Variants in SEC14L5 observed in about 807,000 individuals in gnomAD.
SEC14L5 encodes the protein SEC14 like lipid binding 5.
In SEC14L5, 96 loss-of-function variants were observed where a neutral mutation model predicts 84.6. The observed-to-expected ratio is 1.13, with a 90% CI of 0.96 to 1.34. The LOEUF (loss-of-function observed/expected upper bound fraction) is 1.34. Among genes scored for constraint, SEC14L5 ranks in the 40% most tolerant of loss-of-function variants. The pLI, the probability that SEC14L5 is intolerant of heterozygous loss-of-function variation, is 0.00. For synonymous variants in SEC14L5, 546 were observed against 383.4 expected (o/e 1.42, Z -4.95); for missense variants, 1,224 against 942.5 (o/e 1.30, Z -3.91).
intron 2 of SEC14L5, among the ~76,000 whole-genome samples, chr16:4,982,647 C>A (rs908257591): frequency 6.6e-6 from 1 of 152,212 alleles, no homozygotes; most frequent in Non-Finnish European, 1.5e-5. Flanking sequence ...CCAGCTTAAC[C>A]TCCTGTGCTC....
intron 8 of SEC14L5, 78 bp from the exon 9 acceptor site, chr16:5,000,577 C>A: frequency 1.8e-6 from 2 of 1,113,074 alleles, no homozygotes; most frequent in Admixed American, 2.1e-5. Flanking sequence ...GAAGCTCTCA[C>A]CTGCAGCTGT....
In SEC14L5 at chr16:5,018,410, T is replaced by G. The variant is rs2270259; in HGVS notation, c.*3440T>G. ...GGCGGGGCGTGGTGGCTCATGCCTA[T>G]AATCCCAACACTTTGGGAGGCTGAG... On this transcript the variant is annotated 3_prime_UTR_variant, in exon 16 of 16. Transcript: ENST00000251170. 4.6e-5 allele frequency: 7 copies of G among 152,198 alleles called. No individual in the cohort carries two copies. The highest frequency in any genetic ancestry group is 2.6e-4 in the Admixed American group (4 of 15,278). 9.4% of individuals were successfully genotyped at this position (152,198 alleles called of 1,614,324 possible).
chr16:4,968,299 C>T (rs1286749823), intron 2 of SEC14L5, among the ~76,000 whole-genome samples: 1 of 151,990 alleles, frequency 6.6e-6, no homozygotes, highest in Non-Finnish European at 1.5e-5. Context: ...TCTACCTCAG[C>T]CTCCCGAGTA....
chr16:4,965,475 C>T (rs1955187407), intron 2 of SEC14L5, among the ~76,000 whole-genome samples: 1 of 150,064 alleles, frequency 6.7e-6, no homozygotes, highest in East Asian at 2.0e-4. Flanking sequence ...TCCTGGCTAA[C>T]ACGGTGAAAC....
At chr16:4,989,041 C>T (rs1955525067) in intron 4 of SEC14L5, among the ~76,000 whole-genome samples, 1 of 152,232 alleles carries the variant, frequency 6.6e-6, no homozygotes, top group African/African-American at 2.4e-5. Flanking sequence ...GGACTGGGAA[C>T]AGCATTTTGG....
chr16:5,007,426 G>C lies in SEC14L5; in HGVS notation c.1512G>C (p.Gln504His), dbSNP rs201556115. ...AAGAGGAGCAGGAGCACACGGACCA[G>C]CTGTGGCAGTGGAGTGAGACCTACC... ...MTEEEQEHTDQLWQWSETYHS... is the reference protein window; with the variant it reads ...MTEEEQEHTDHLWQWSETYHS... The change falls in exon 13 of 16, where the codon CAG becomes CAC. Residue 504 changes from glutamine (Q) to histidine (H), a missense_variant. Coordinates refer to ENST00000251170, the MANE Select transcript of SEC14L5 (RefSeq NM_014692.2). 1.2e-6 allele frequency: 2 copies of C among 1,613,908 alleles called. No homozygotes were observed. The highest frequency in any genetic ancestry group is 2.7e-5 in the African/African-American group (2 of 75,064).
At chr16:5,000,136 CG>C (rs1955658771) in intron 8 of SEC14L5, among the ~76,000 whole-genome samples, 1 of 151,604 alleles carries the variant, frequency 6.6e-6, no homozygotes, top group South Asian at 2.1e-4. Context: ...ACTAAAAATA[CG>C]AAAATTAGCC....
chr16:5,018,000 C>T lies in SEC14L5; in HGVS notation c.*3030C>T, dbSNP rs910955546. 8 of 152,246 alleles carry T rather than the reference C, an allele frequency of 5.3e-5. No individual in the cohort carries two copies. Among genetic ancestry groups the T allele is most frequent in the African/African-American group, 1.9e-4 (8 of 41,460 alleles). The allele number at this position is 152,246 out of a possible 1,614,324, so 9.4% of individuals were successfully genotyped here. On this transcript the variant is annotated 3_prime_UTR_variant, in exon 16 of 16. Transcript: ENST00000251170. ...CAGCATTACTGTTGGTGTTTGGGCACCTGGGCCTTGAATTTAGGCCAGGAC... is the reference window on the plus strand; with the variant it reads ...CAGCATTACTGTTGGTGTTTGGGCATCTGGGCCTTGAATTTAGGCCAGGAC...
intron 2 of SEC14L5, among the ~76,000 whole-genome samples, chr16:4,962,963 G>A (rs6500647): frequency 1.3e-5 from 2 of 152,034 alleles, no homozygotes; most frequent in African/African-American, 2.4e-5. Context: ...TCTTTGTTTC[G>A]CAGTTAAACA....
chr16:4,968,371 G>T (rs1955233344), intron 2 of SEC14L5, among the ~76,000 whole-genome samples: 1 of 152,064 alleles, frequency 6.6e-6, no homozygotes, highest in Admixed American at 6.6e-5. Flanking sequence ...CACAGACGGG[G>T]TTTCTCCATA....
Position 5,011,275 on chromosome 16 carries a change from TAGG to T in SEC14L5, c.1979+6_1979+8del, listed in dbSNP as rs1955799746. 6.2e-7 allele frequency: 1 copy of T among 1,610,430 alleles called. No homozygotes were observed. Among genetic ancestry groups the T allele is most frequent in the East Asian group, 2.2e-5 (1 of 44,758 alleles). On this transcript the variant is annotated splice_donor_5th_base_variant and intron_variant, in intron 15 of 15. Transcript: ENST00000251170. ...GGTGCTCGCCTCTGAGGACTTCAGG[TAGG>T]AGGGCTCCGGAGCGGGGTCCTGGGC...
chr16:4,975,824 G>T (rs1174002166), intron 2 of SEC14L5, among the ~76,000 whole-genome samples: 2 of 152,186 alleles, frequency 1.3e-5, no homozygotes, highest in African/African-American at 4.8e-5. Context: ...GGCGATGGGG[G>T]CACCTTACTC....
intron 2 of SEC14L5, among the ~76,000 whole-genome samples, chr16:4,968,278 C>G (rs943342838): frequency 6.6e-6 from 1 of 152,054 alleles, no homozygotes; most frequent in Middle Eastern, 3.4e-3. Flanking sequence ...CTCCCGGGTT[C>G]AAGCAATTCT....
rs186487947 is a variant in SEC14L5, at chr16:5,007,145, A to G, written c.1438-207A>G. On this transcript the variant is annotated intron_variant, in intron 12 of 15. Coordinates refer to ENST00000251170, the MANE Select transcript of SEC14L5 (RefSeq NM_014692.2). Reference sequence around the variant, plus strand: ...AGTGGCCTGACTTGCCCGAGCCTCCATTCCTTCCTCTGTGAAACGGGAAGA... The same window carrying G: ...AGTGGCCTGACTTGCCCGAGCCTCCGTTCCTTCCTCTGTGAAACGGGAAGA... Among the ~76,000 whole-genome samples, 6 of 152,266 alleles carry G rather than the reference A, an allele frequency of 3.9e-5. No homozygotes were observed. The East Asian group carries it at 1.2e-3, about 29-fold the overall frequency.
intron 8 of SEC14L5, among the ~76,000 whole-genome samples, chr16:4,997,868 C>G (rs1270581480): frequency 6.6e-6 from 1 of 152,086 alleles, no homozygotes; most frequent in Non-Finnish European, 1.5e-5. Flanking sequence ...TGGCCTTCCC[C>G]TCTGTGTTTC....
intron 11 of SEC14L5, 51 bp downstream of exon 11, chr16:5,003,624 G>GGCCCCCC: frequency 3.3e-6 from 1 of 305,310 alleles, no homozygotes; most frequent in Non-Finnish European, 6.5e-6. Context: ...GGTGGGATGG[G>GGCCCCCC]AGGGGTTCCG....
intron 14 of SEC14L5, among the ~76,000 whole-genome samples, chr16:5,009,387 G>T (rs1259368489): frequency 1.3e-5 from 2 of 152,064 alleles, no homozygotes; most frequent in Non-Finnish European, 2.9e-5. Flanking sequence ...GTAGTGATAT[G>T]ATCACAGCTC....
rs574656583 is a variant in SEC14L5, at chr16:5,002,819, C to G, written c.1131-583C>G. 2.6e-5 allele frequency among the ~76,000 whole-genome samples: 4 copies of G among 152,296 alleles called. 1 individual carries two copies. The South Asian group carries it at 6.2e-4, about 24-fold the overall frequency. On this transcript the variant is annotated intron_variant, in intron 10 of 15. Transcript: ENST00000251170. ...GGCAGAACTGGGATTTGAACCTTGG[C>G]CATCTGACTGTGGAGTGCATGCTCT... is the stretch of plus-strand genomic sequence containing the variant.
Position 4,985,160 on chromosome 16 carries a change from A to G in SEC14L5, c.64-2397A>G, listed in dbSNP as rs566483149. Among the ~76,000 whole-genome samples, 4 of 152,240 alleles carry G rather than the reference A, an allele frequency of 2.6e-5. No homozygotes were observed. In the East Asian group the frequency reaches 5.8e-4, roughly 22 times the overall value. Reference sequence around the variant, plus strand: ...AATCCAAGTTCATAAAGATTTATTCATATGTTTTCTTCTAAGAGTTTTGTA... The same window carrying G: ...AATCCAAGTTCATAAAGATTTATTCGTATGTTTTCTTCTAAGAGTTTTGTA... On this transcript the variant is annotated intron_variant, in intron 2 of 15. Transcript: ENST00000251170.
Sources: allele counts gnomAD v4.1 joint callset (sites outside exome capture counted in the v4.1 genomes callset), GRCh38; gene constraint gnomAD v4.1.1; transcripts MANE v1.5; gene names NCBI Gene and HGNC (gene_info 2026-07-23, HGNC 2026-07-21).